The following CDS2 variants were observed in gnomAD, a reference collection of about 807,000 sequenced individuals.
The protein encoded by CDS2 is CDP-diacylglycerol synthase 2.
A neutral mutation model predicts 59.0 loss-of-function variants in CDS2; 47 were observed. The ratio of observed to expected loss-of-function variants is 0.80; its 90% confidence interval spans 0.63 to 1.02. The LOEUF (loss-of-function observed/expected upper bound fraction) is 1.02, where lower values mean the gene tolerates loss of function less well. Among genes scored for constraint, CDS2 ranks in the 50% least tolerant of loss-of-function variants. CDS2 has a pLI of 0.00. For synonymous variants in CDS2, 207 were observed against 206.4 expected (o/e 1.00, Z -0.02); for missense variants, 356 against 558.9 (o/e 0.64, Z 3.66).
intron 1 of CDS2, among the ~76,000 whole-genome samples, chr20:5,129,340 G>A (rs1228311646): frequency 6.6e-6 from 1 of 151,966 alleles, no homozygotes; most frequent in East Asian, 1.9e-4. Flanking sequence ...GCAGTGGCAC[G>A]ATCTCAGCTC....
intron 10 of CDS2, chr20:5,187,192 C>T (rs910761496): frequency 3.7e-5 from 9 of 241,958 alleles, no homozygotes; most frequent in East Asian, 2.5e-4. Flanking sequence ...TGCTGTGATA[C>T]GGCGCAAAAG....
chr20:5,162,444 A>T (rs76615045), intron 1 of CDS2, among the ~76,000 whole-genome samples: 8,616 of 152,246 alleles, frequency 0.057, 834 homozygotes, highest in African/African-American at 0.2. Context: ...CAGGGTATAT[A>T]GACTCGCATG....
chr20:5,178,961 G>T lies in CDS2; in HGVS notation c.529+5G>T. On this transcript the variant is annotated splice_donor_5th_base_variant and intron_variant, in intron 5 of 12. Coordinates refer to ENST00000460006, the MANE Select transcript of CDS2 (RefSeq NM_003818.4). ...CCTTTACTCTCTATCTAATAGGTAT[G>T]CATTAAGCAGTTCACCATTTCTTGT... 1 of 1,613,126 alleles carries T rather than the reference G, an allele frequency of 6.2e-7. No homozygotes were observed. The highest frequency in any genetic ancestry group is 8.5e-7 in the Non-Finnish European group (1 of 1,179,126).
intron 10 of CDS2, among the ~76,000 whole-genome samples, chr20:5,188,117 C>T (rs763186490): frequency 1.3e-5 from 2 of 151,492 alleles, no homozygotes; most frequent in African/African-American, 2.4e-5. Flanking sequence ...ATATTTGACA[C>T]GGTATAATGA....
intron 1 of CDS2, among the ~76,000 whole-genome samples, chr20:5,141,390 G>A (rs1325915446): frequency 6.6e-6 from 1 of 152,086 alleles, no homozygotes; most frequent in Non-Finnish European, 1.5e-5. Flanking sequence ...TAGAGGACAG[G>A]GTTCAGGGAA....
At chr20:5,128,471 C>T (rs2090574824) in intron 1 of CDS2, 1 of 152,108 alleles carries the variant, frequency 6.6e-6, no homozygotes, top group Admixed American at 6.6e-5. Flanking sequence ...GAGAACTGTT[C>T]CTACCGATTT....
chr20:5,185,412 A>C (rs1350043663), intron 8 of CDS2, among the ~76,000 whole-genome samples: 1 of 152,216 alleles, frequency 6.6e-6, no homozygotes, highest in Non-Finnish European at 1.5e-5. Flanking sequence ...GTGATGGGGC[A>C]AGATCGTGTC....
intron 1 of CDS2, among the ~76,000 whole-genome samples, chr20:5,130,485 C>T (rs1023128704): frequency 1.3e-5 from 2 of 151,658 alleles, no homozygotes; most frequent in Middle Eastern, 3.2e-3. Flanking sequence ...GCTTTAAAAG[C>T]TCTGGAATAG....
Position 5,185,760 on chromosome 20 carries a change from G to A in CDS2, c.762G>A (p.Leu254=). ...GAGAACTTGCTCTCTGTCCACAGCT[G>A]TCCCCGAAGAAGACCTGGGAAGGCT... ...FFFGRTPLIK[L]SPKKTWEGFI... Residue 254 remains leucine (L), a splice_region_variant and synonymous_variant, in exon 9 of 13, where the codon CTG becomes CTA. Transcript: ENST00000460006. 1 of 1,614,160 alleles carries A rather than the reference G, an allele frequency of 6.2e-7. No individual in the cohort carries two copies. The highest frequency in any genetic ancestry group is 8.5e-7 in the Non-Finnish European group (1 of 1,179,984).
chr20:5,170,525 C>G (rs116607745), intron 1 of CDS2, among the ~76,000 whole-genome samples: 1,571 of 152,360 alleles, frequency 0.01, 27 homozygotes, highest in African/African-American at 0.036. Context: ...AGGTGGCTGG[C>G]TGACCTGTCC....
At chr20:5,166,826 G>A (rs921056922) in intron 1 of CDS2, among the ~76,000 whole-genome samples, 2 of 152,182 alleles carry the variant, frequency 1.3e-5, no homozygotes, top group African/African-American at 4.8e-5. Flanking sequence ...TTGAAGTTGG[G>A]TTGTTGTGGT....
chr20:5,151,911 T>C (rs1349262601), intron 1 of CDS2, among the ~76,000 whole-genome samples: 2 of 151,422 alleles, frequency 1.3e-5, no homozygotes, highest in Non-Finnish European at 2.9e-5. Flanking sequence ...ATTACAGGTA[T>C]GTGCCACCAT....
chr20:5,182,931 A>T, intron 6 of CDS2, 130 bp from the exon 7 acceptor site: 1 of 715,744 alleles, frequency 1.4e-6, no homozygotes. Context: ...TTCACTTTCA[A>T]TAAGTCAGAT....
chr20:5,164,491 A>G (rs149936861), intron 1 of CDS2, among the ~76,000 whole-genome samples: 55 of 152,244 alleles, frequency 3.6e-4, no homozygotes, highest in African/African-American at 1.3e-3. Context: ...TCCTGGTTCT[A>G]CTTCCTGACA....
At chr20:5,164,316 A>G (rs2090897928) in intron 1 of CDS2, among the ~76,000 whole-genome samples, 1 of 152,166 alleles carries the variant, frequency 6.6e-6, no homozygotes, top group African/African-American at 2.4e-5. Context: ...CCACAGGAGT[A>G]GGGGAGGTTG....
chr20:5,152,404 G>A (rs867662783), intron 1 of CDS2, among the ~76,000 whole-genome samples: 1 of 151,920 alleles, frequency 6.6e-6, no homozygotes, highest in Admixed American at 6.6e-5. Flanking sequence ...GTGTACTTTC[G>A]TTTCATCTTT....
rs930480803 is a variant in CDS2, at chr20:5,195,582, C to G, written c.*5348C>G. ...CTCGCTCTGGACCCCACTTCCCGCT[C>G]TGGCCAAGGGCTGTCTTCTGTGCAC... On this transcript the variant is annotated 3_prime_UTR_variant, in exon 13 of 13. Transcript: ENST00000460006. The G allele has an allele frequency of 6.6e-6, 1 of 152,484 alleles. No individual in the cohort carries two copies. The highest frequency in any genetic ancestry group is 1.5e-5 in the Non-Finnish European group (1 of 68,306). 9.4% of individuals were successfully genotyped at this position (152,484 alleles called of 1,614,324 possible).
chr20:5,138,557 C>G (rs2122963258), intron 1 of CDS2, among the ~76,000 whole-genome samples: 1 of 151,900 alleles, frequency 6.6e-6, no homozygotes, highest in Non-Finnish European at 1.5e-5. Flanking sequence ...GCCATTTTGG[C>G]TCACTGCAAC....
At chr20:5,167,346 T>C (rs1303212166) in intron 1 of CDS2, among the ~76,000 whole-genome samples, 1 of 152,190 alleles carries the variant, frequency 6.6e-6, no homozygotes, top group Non-Finnish European at 1.5e-5. Flanking sequence ...CTGTGAGGCT[T>C]TTGAAGGACA....
Sources: allele counts gnomAD v4.1 joint callset (sites outside exome capture counted in the v4.1 genomes callset), GRCh38; gene constraint gnomAD v4.1.1; transcripts MANE v1.5; gene names NCBI Gene and HGNC (gene_info 2026-07-23, HGNC 2026-07-21).